Variants in CTDP1 observed in about 807,000 individuals in gnomAD.
The protein encoded by CTDP1 is RNA polymerase II subunit A C-terminal domain phosphatase.
Under a neutral mutation model 91.8 loss-of-function variants are expected in CTDP1, and 47 were observed. The ratio of observed to expected loss-of-function variants is 0.51; its 90% confidence interval spans 0.41 to 0.65. The LOEUF (loss-of-function observed/expected upper bound fraction) is 0.65. CTDP1 is among the 30% of genes least tolerant of loss of function. The pLI, the probability that CTDP1 is intolerant of heterozygous loss-of-function variation, is 0.00. For missense variants in CTDP1, 1,272 were observed against 1,373.7 expected (o/e 0.93, Z 1.17); for synonymous variants, 656 against 598.5 (o/e 1.10, Z -1.40).
In CTDP1 at chr18:79,680,159, G is replaced by A. The variant is rs1599171924; in HGVS notation, c.212G>A (p.Gly71Glu). Residue 71 changes from glycine (G) to glutamate (E), a missense_variant, in exon 1 of 13, where the codon GGG becomes GAG. Physicochemically the swap from Gly to Glu is moderately conservative, Grantham distance 98. Around this residue, in one of 3 missense-constraint regions of CTDP1, gnomAD observed 214 missense variants for 179.1 expected, o/e 1.19. Coordinates refer to ENST00000613122, the MANE Select transcript of CTDP1 (RefSeq NM_004715.5). Reference sequence around the variant, plus strand: ...GCCTCTCAGTCCCGTGTAGCCTCCGGGGGCTGCGTGCGCCCCGCGCGGCCG... The same window carrying A: ...GCCTCTCAGTCCCGTGTAGCCTCCGAGGGCTGCGTGCGCCCCGCGCGGCCG... Reference protein sequence around the residue: ...SGASQSRVASGGCVRPARPER... With the variant: ...SGASQSRVASEGCVRPARPER... The A allele has an allele frequency of 5.0e-6, 7 of 1,397,084 alleles. No individual in the cohort carries two copies. Among genetic ancestry groups the A allele is most frequent in the Non-Finnish European group, 6.5e-6 (7 of 1,080,652 alleles). The allele number at this position is 1,397,084 out of a possible 1,614,324, so 86.5% of individuals were successfully genotyped here. A position where few individuals can be genotyped will look rare whatever the true frequency, so the allele number is the denominator to read the frequency against.
chr18:79,711,355 C>T (rs2086079865), intron 6 of CTDP1, among the ~76,000 whole-genome samples: 1 of 152,106 alleles, frequency 6.6e-6, no homozygotes, highest in South Asian at 2.1e-4. Flanking sequence ...CGTGTGTCCC[C>T]ACAGTAGCCA....
At chr18:79,739,562 T>G (rs989547954) in intron 12 of CTDP1, among the ~76,000 whole-genome samples, 2 of 152,154 alleles carry the variant, frequency 1.3e-5, no homozygotes, top group African/African-American at 4.8e-5. Flanking sequence ...CTGGCGCGGC[T>G]TCCATGCTGC....
chr18:79,717,703 C>G (rs371167067), intron 9 of CTDP1, 27 bp downstream of exon 9: 3 of 1,613,846 alleles, frequency 1.9e-6, no homozygotes, highest in Non-Finnish European at 2.5e-6. Context: ...CCCAGCAGGT[C>G]CGTGCCAGGC....
In CTDP1 at chr18:79,754,124, T is replaced by G. The variant is rs1224345964; in HGVS notation, c.*334T>G. On this transcript the variant is annotated 3_prime_UTR_variant, in exon 13 of 13. Transcript: ENST00000613122. ...TTTCCCCTTGTGTACCAGAGCACAT[T>G]CCTTAGGGGACGGCTTTGGGGGTCC... The G allele has an allele frequency of 1.0e-5, 4 of 390,226 alleles. No homozygotes were observed. The highest frequency in any genetic ancestry group is 2.0e-5 in the Non-Finnish European group (4 of 204,696). 24.2% of individuals were successfully genotyped at this position (390,226 alleles called of 1,614,324 possible).
At chr18:79,737,538 T>C (rs1435133678) in intron 12 of CTDP1, among the ~76,000 whole-genome samples, 1 of 152,138 alleles carries the variant, frequency 6.6e-6, no homozygotes, top group Non-Finnish European at 1.5e-5. Flanking sequence ...TGCTGTCGAA[T>C]GGTGGGGAGG....
chr18:79,729,734 G>T, intron 11 of CTDP1, among the ~76,000 whole-genome samples: 1 of 152,226 alleles, frequency 6.6e-6, no homozygotes, highest in East Asian at 1.9e-4. Flanking sequence ...TTAGGGATGG[G>T]CGATCTGCGC....
chr18:79,740,537 G>A (rs767534083), intron 12 of CTDP1, among the ~76,000 whole-genome samples: 4 of 152,178 alleles, frequency 2.6e-5, no homozygotes, highest in Non-Finnish European at 4.4e-5. Flanking sequence ...TTTGCATGTT[G>A]AACATGTAGG....
At chr18:79,723,254 T>G (rs967358786) in intron 10 of CTDP1, among the ~76,000 whole-genome samples, 2 of 151,610 alleles carry the variant, frequency 1.3e-5, no homozygotes, top group African/African-American at 2.4e-5. Flanking sequence ...GATTCCCCCA[T>G]GGCATCCCGT....
At chr18:79,752,088 G>C (rs1242477286) in intron 12 of CTDP1, among the ~76,000 whole-genome samples, 1 of 152,268 alleles carries the variant, frequency 6.6e-6, no homozygotes, top group Non-Finnish European at 1.5e-5. Context: ...GACATCAGGT[G>C]GTTGGAATTT....
At chr18:79,704,943 C>A (rs1206857020) in intron 5 of CTDP1, 26 bp downstream of exon 5, 3 of 1,611,834 alleles carry the variant, frequency 1.9e-6, no homozygotes, top group African/African-American at 2.7e-5. Flanking sequence ...GCCGAAGAGG[C>A]CGTGTGAACA....
intron 4 of CTDP1, among the ~76,000 whole-genome samples, chr18:79,702,181 T>C (rs2085873567): frequency 6.6e-6 from 1 of 152,196 alleles, no homozygotes; most frequent in Non-Finnish European, 1.5e-5. Flanking sequence ...AAGAGTTGAT[T>C]GATGGGACAA....
chr18:79,698,709 A>G (rs1043065765), intron 4 of CTDP1, among the ~76,000 whole-genome samples: 2 of 152,174 alleles, frequency 1.3e-5, no homozygotes, highest in Non-Finnish European at 2.9e-5. Flanking sequence ...ATTGAACAGT[A>G]TGTGGACTCT....
Position 79,679,867 on chromosome 18 carries a change from G to A in CTDP1, c.-81G>A, listed in dbSNP as rs1884070293. 2.4e-6 allele frequency: 3 copies of A among 1,261,238 alleles called. No individual in the cohort carries two copies. The highest frequency in any genetic ancestry group is 6.0e-4 in the Middle Eastern group (2 of 3,336). The allele number at this position is 1,261,238 out of a possible 1,614,324, so 78.1% of individuals were successfully genotyped here. ...GAGAGGAACTACAGCGTCGCCGCCT[G>A]GGTTGTGTCGCCGCGGTAGGCGCTG... is the stretch of plus-strand genomic sequence containing the variant. On this transcript the variant is annotated 5_prime_UTR_variant, in exon 1 of 13. Transcript: ENST00000613122.
chr18:79,754,538 A>C (rs1456886661), downstream of CTDP1: 2 of 152,468 alleles, frequency 1.3e-5, no homozygotes, highest in Non-Finnish European at 1.5e-5. Flanking sequence ...AGCGGTGAGC[A>C]CCCGCCTCCT....
chr18:79,704,713 G>T, intron 4 of CTDP1, 54 bp from the exon 5 acceptor site: 1 of 1,607,668 alleles, frequency 6.2e-7, no homozygotes, highest in Non-Finnish European at 8.5e-7. Flanking sequence ...GGTTGCGGGG[G>T]CGGCCGGGGC....
chr18:79,679,237 T>G (rs2085299203), upstream of CTDP1: 2 of 359,556 alleles, frequency 5.6e-6, no homozygotes, highest in Non-Finnish European at 1.1e-5. Context: ...GAAGGTGAGG[T>G]CGGAGGAAGA....
At chr18:79,736,962 C>T (rs115105797) in intron 12 of CTDP1, among the ~76,000 whole-genome samples, 2,219 of 152,174 alleles carry the variant, frequency 0.015, 64 homozygotes, top group African/African-American at 0.051. Flanking sequence ...TGTGCACAGG[C>T]GTGTGCAGGG....
At chr18:79,703,674 A>G (rs1248761565) in intron 4 of CTDP1, 1 of 128,632 alleles carries the variant, frequency 7.8e-6, no homozygotes. Context: ...TGTAACACGT[A>G]TCAGCGAGGA....
intron 5 of CTDP1, among the ~76,000 whole-genome samples, chr18:79,705,926 T>C (rs1323575947): frequency 6.6e-6 from 1 of 152,222 alleles, no homozygotes; most frequent in Non-Finnish European, 1.5e-5. Flanking sequence ...CTGAGACAGA[T>C]GATGTGAAGA....
Sources: gnomAD v4.1 joint callset for allele counts (sites outside exome capture counted in the v4.1 genomes callset) on GRCh38, gnomAD v4.1.1 for gene constraint, gnomAD v4.1.1 regional missense constraint, MANE v1.5 for transcripts, NCBI Gene and HGNC (gene_info 2026-07-23, HGNC 2026-07-21) for gene names.